The following KRT73 variants were observed in gnomAD, a reference collection of about 807,000 sequenced individuals.
KRT73 encodes the protein keratin, type II cytoskeletal 73.
KRT73 carries 44 observed loss-of-function variants against 47.2 expected under a neutral mutation model. The observed-to-expected ratio is 0.93, with a 90% CI of 0.73 to 1.20. The LOEUF (loss-of-function observed/expected upper bound fraction) is 1.20, where lower values mean the gene tolerates loss of function less well. KRT73 is among the 50% of genes most tolerant of loss of function. The pLI, the probability that KRT73 is intolerant of heterozygous loss-of-function variation, is 0.00. For synonymous variants in KRT73, 285 were observed against 291.3 expected (o/e 0.98, Z 0.22); for missense variants, 713 against 704.5 (o/e 1.01, Z -0.14).
chr12:52,610,603 G>C lies in KRT73; in HGVS notation c.1331+12C>G, dbSNP rs189941791. ...GACTTGCAGTTTCTTCCAGTCCCTC[G>C]GTCCCACCCACCTGCACTCCTCGCC... On this transcript the variant is annotated intron_variant, in intron 7 of 8. Coordinates refer to ENST00000305748, the MANE Select transcript of KRT73 (RefSeq NM_175068.3). The C allele has an allele frequency of 0.018, 25,680 of 1,398,860 alleles. 255 individuals carry two copies. The highest frequency in any genetic ancestry group is 0.022 in the Non-Finnish European group (23,403 of 1,054,926). 86.7% of individuals were successfully genotyped at this position (1,398,860 alleles called of 1,614,324 possible).
At chr12:52,621,293 G>T (rs202211957), upstream of KRT73, among the ~76,000 whole-genome samples, 6 of 128,170 alleles carry the variant, frequency 4.7e-5, no homozygotes, top group Admixed American at 7.7e-5. Context: ...GAAAGAAAGG[G>T]GGGGGGGGGG....
At chr12:52,611,673 G>A (rs1940706689) in intron 5 of KRT73, among the ~76,000 whole-genome samples, 1 of 152,118 alleles carries the variant, frequency 6.6e-6, no homozygotes, top group Non-Finnish European at 1.5e-5. Context: ...GCATCCAGGG[G>A]CTCATTTCTT....
rs1484861369 is a variant in KRT73, at chr12:52,609,266, A to G, written c.1347T>C (p.Tyr449=). Residue 449 remains tyrosine, a synonymous_variant, in exon 8 of 9, where the codon TAT becomes TAC. Coordinates refer to ENST00000305748, the MANE Select transcript of KRT73 (RefSeq NM_175068.3). The part of the protein sequence containing the change: ...EGEECRMSGE[Y]TNSVSISVIN... ...ACTCACAAATGCTCACGGAGTTGGT[A>G]TATTCTCCGGACATCCTGCAAGAGA... 1 of 1,613,752 alleles carries G rather than the reference A, an allele frequency of 6.2e-7. No homozygotes were observed. The highest frequency in any genetic ancestry group is 8.5e-7 in the Non-Finnish European group (1 of 1,179,658).
chr12:52,614,723 C>T, intron 3 of KRT73, 49 bp from the exon 4 acceptor site: 2 of 1,493,480 alleles, frequency 1.3e-6, no homozygotes, highest in Non-Finnish European at 9.2e-7. Flanking sequence ...CAAGCCCAGA[C>T]AGGCCTCTCC....
chr12:52,611,933 C>T (rs1940711896), intron 5 of KRT73, among the ~76,000 whole-genome samples: 4 of 152,216 alleles, frequency 2.6e-5, no homozygotes, highest in African/African-American at 9.6e-5. Context: ...GCCACTGGCA[C>T]ACCAGTCCAT....
At chr12:52,615,380 G>C in intron 2 of KRT73, 41 bp from the exon 3 acceptor site, 1 of 1,519,616 alleles carries the variant, frequency 6.6e-7, no homozygotes, top group South Asian at 1.1e-5. Flanking sequence ...GTGTGTCTGT[G>C]TGTGTGTGTA....
chr12:52,613,957 T>A, intron 4 of KRT73, 105 bp from the exon 5 acceptor site: 1 of 1,494,812 alleles, frequency 6.7e-7, no homozygotes, highest in South Asian at 1.3e-5. Flanking sequence ...CCCACACAGA[T>A]GGAAGCTGCA....
intron 6 of KRT73, 66 bp from the exon 7 acceptor site, chr12:52,610,901 T>C: frequency 5.9e-6 from 8 of 1,357,642 alleles, no homozygotes; most frequent in Non-Finnish European, 6.1e-6. Flanking sequence ...TCTCCCATGC[T>C]CTCAATGGTT....
the KRT73 span, among the ~76,000 whole-genome samples, chr12:52,627,469 A>G: frequency 6.6e-6 from 1 of 152,200 alleles, no homozygotes; most frequent in Non-Finnish European, 1.5e-5. Context: ...AACAGAGCTC[A>G]CAGCAGGGAA....
In KRT73 at chr12:52,614,657, G is replaced by T. The variant is rs764629161; in HGVS notation, c.741C>A (p.Tyr247Ter). 6.2e-6 allele frequency: 10 copies of T among 1,613,742 alleles called. No individual in the cohort carries two copies. The South Asian group carries it at 1.1e-4, about 18-fold the overall frequency. ...TGGCCTGCAGCTCCACTTTGCTCGT[G>T]TAAGCTGCGTCCACGTCCTATGGAG... The part of the protein sequence containing the change: ...VVLKKDVDAA[Y>*]TSKVELQAKV... The change falls in exon 4 of 9, where the codon TAC becomes TAA. Residue 247 changes from tyrosine to a stop codon, truncating the protein, a stop_gained. Coordinates refer to ENST00000305748, the MANE Select transcript of KRT73 (RefSeq NM_175068.3). LOFTEE classifies it high-confidence loss of function.
intron 5 of KRT73, chr12:52,612,771 T>C (rs770600283): frequency 5.9e-5 from 9 of 152,230 alleles, no homozygotes; most frequent in Non-Finnish European, 1.2e-4. Flanking sequence ...TGCAGTGGAA[T>C]TTGAAGTCAG....
intron 3 of KRT73, chr12:52,614,997 G>A (rs1487547590): frequency 3.7e-6 from 2 of 533,892 alleles, no homozygotes; most frequent in Non-Finnish European, 6.6e-6. Flanking sequence ...AGAGTTGGAA[G>A]GCAAACCTGC....
Position 52,618,137 on chromosome 12 carries a change from C to T in KRT73, c.388G>A (p.Ala130Thr). ...ACCTTGATCTGCTCCCGCTCCTGGG[C>T]ACGCACTTTCTGGATTTCAGGGTCC... ...ELDPEIQKVR[A>T]QEREQIKVLN... Residue 130 changes from alanine to threonine, a missense_variant, in exon 1 of 9, where the codon GCC (alanine) becomes ACC (threonine). Ala to Thr is a moderately conservative substitution (Grantham distance 58, BLOSUM62 0). Coordinates refer to ENST00000305748, the MANE Select transcript of KRT73 (RefSeq NM_175068.3). 3 of 1,613,948 alleles carry T rather than the reference C, an allele frequency of 1.9e-6. No homozygotes were observed. Among genetic ancestry groups the T allele is most frequent in the Non-Finnish European group, 2.5e-6 (3 of 1,179,926 alleles).
At chr12:52,628,112 A>G in the KRT73 span, among the ~76,000 whole-genome samples, 2 of 152,152 alleles carry the variant, frequency 1.3e-5, no homozygotes, top group South Asian at 4.1e-4. Context: ...AGGATGCAAG[A>G]TCTCCTTCAT....
upstream of KRT73, chr12:52,618,673 C>T (rs750017805): frequency 1.6e-5 from 12 of 762,332 alleles, no homozygotes; most frequent in Admixed American, 1.9e-4. Flanking sequence ...AGCAAGAAAT[C>T]ATTTTCTCCC....
intron 6 of KRT73, 59 bp downstream of exon 6, chr12:52,611,145 G>C: frequency 6.3e-7 from 1 of 1,598,172 alleles, no homozygotes; most frequent in Non-Finnish European, 8.5e-7. Flanking sequence ...GGGGCAGGGG[G>C]TGCTAAGCAG....
chr12:52,622,146 A>C (rs988260602), upstream of KRT73, among the ~76,000 whole-genome samples: 1 of 152,212 alleles, frequency 6.6e-6, no homozygotes, highest in African/African-American at 2.4e-5. Context: ...AAAAAAGACG[A>C]TTGATAGATG....
Position 52,616,148 on chromosome 12 carries a change from G to A in KRT73, c.662+18C>T. 1 of 1,613,550 alleles carries A rather than the reference G, an allele frequency of 6.2e-7. No homozygotes were observed. Among genetic ancestry groups the A allele is most frequent in the Non-Finnish European group, 8.5e-7 (1 of 1,179,514 alleles). On this transcript the variant is annotated intron_variant, in intron 2 of 8. Transcript: ENST00000305748. ...TCACCCTGGGAGGCAGACCAGCCTG[G>A]AGTGGCGTCCTGCTCACCTCTTCTT...
chr12:52,618,661 G>T, upstream of KRT73: 1 of 882,150 alleles, frequency 1.1e-6, no homozygotes, highest in Non-Finnish European at 1.7e-6. Context: ...AGTTTGCCTG[G>T]AAGCAAGAAA....
Sources: allele counts gnomAD v4.1 joint callset (sites outside exome capture counted in the v4.1 genomes callset), GRCh38; gene constraint gnomAD v4.1.1; transcripts MANE v1.5; gene names NCBI Gene and HGNC (gene_info 2026-07-23, HGNC 2026-07-21).